The following SYN3 variants were observed in gnomAD, a reference collection of about 807,000 sequenced individuals.
SYN3 encodes the protein synapsin-3.
Under a neutral mutation model 65.8 loss-of-function variants are expected in SYN3, and 35 were observed. The observed-to-expected ratio is 0.53, with a 90% CI of 0.41 to 0.70. SYN3 has a LOEUF of 0.70. Ranked by LOEUF, SYN3 falls within the 30% of genes least tolerant of loss-of-function variation. The probability of loss-of-function intolerance (pLI) is 0.00; values close to 1 mark genes in which losing one functional copy is unlikely to be tolerated. For synonymous variants in SYN3, 270 were observed against 292.9 expected (o/e 0.92, Z 0.80); for missense variants, 680 against 749.0 (o/e 0.91, Z 1.08).
intron 7 of SYN3, among the ~76,000 whole-genome samples, chr22:32,543,271 C>T (rs1009259745): frequency 6.6e-6 from 1 of 152,166 alleles, no homozygotes; most frequent in African/African-American, 2.4e-5. Context: ...GGTCACTTAA[C>T]AGATAAGGAA....
At chr22:32,912,719 TC>T (rs1485286699) in intron 4 of SYN3, among the ~76,000 whole-genome samples, 2 of 137,056 alleles carry the variant, frequency 1.5e-5, no homozygotes, top group East Asian at 4.6e-4. Context: ...AGACCTTTTC[TC>T]TAAAAAAAAA....
intron 7 of SYN3, among the ~76,000 whole-genome samples, chr22:32,543,705 G>C (rs2058294672): frequency 6.6e-6 from 1 of 152,158 alleles, no homozygotes; most frequent in African/African-American, 2.4e-5. Context: ...CGTGCGGGTA[G>C]ATGTGCCTGA....
chr22:32,808,650 G>T (rs1017382378), intron 6 of SYN3, among the ~76,000 whole-genome samples: 1 of 152,112 alleles, frequency 6.6e-6, no homozygotes, highest in Non-Finnish European at 1.5e-5. Flanking sequence ...CTGGCTCTTG[G>T]CCCATGACAC....
chr22:32,918,714 C>T (rs922547666), intron 4 of SYN3, among the ~76,000 whole-genome samples: 2 of 152,126 alleles, frequency 1.3e-5, no homozygotes, highest in East Asian at 1.9e-4. Context: ...AGAGTGGTCA[C>T]ATCTGCAGAA....
intron 3 of SYN3, among the ~76,000 whole-genome samples, chr22:32,938,877 G>C (rs958381383): frequency 3.4e-5 from 5 of 146,776 alleles, no homozygotes; most frequent in Non-Finnish European, 5.9e-5. Context: ...GCAATGAGCA[G>C]AGACTGCACC....
intron 6 of SYN3, among the ~76,000 whole-genome samples, chr22:32,662,708 C>G (rs1043830966): frequency 1.3e-5 from 2 of 152,188 alleles, no homozygotes; most frequent in African/African-American, 2.4e-5. Flanking sequence ...AATAAATACT[C>G]AATTACTGCT....
chr22:32,545,569 T>C (rs189879703), intron 7 of SYN3, among the ~76,000 whole-genome samples: 84 of 151,858 alleles, frequency 5.5e-4, no homozygotes, highest in African/African-American at 1.4e-3. Context: ...CTCTCTCTCT[T>C]TTTTTTTGAG....
intron 6 of SYN3, among the ~76,000 whole-genome samples, chr22:32,761,330 G>C (rs769046917): frequency 6.6e-6 from 1 of 152,166 alleles, no homozygotes; most frequent in Non-Finnish European, 1.5e-5. Flanking sequence ...GGGAAGAAAT[G>C]GGACATGAGA....
chr22:32,802,414 C>G (rs1200011426), intron 6 of SYN3, among the ~76,000 whole-genome samples: 1 of 152,196 alleles, frequency 6.6e-6, no homozygotes, highest in East Asian at 1.9e-4. Flanking sequence ...GAAAATGTCC[C>G]CATTCACTAC....
intron 6 of SYN3, among the ~76,000 whole-genome samples, chr22:32,676,347 C>T (rs944313166): frequency 4.6e-5 from 7 of 152,088 alleles, no homozygotes; most frequent in Non-Finnish European, 1.0e-4. Context: ...CAGCTTGGCA[C>T]CAGCAAGATT....
At chr22:33,040,069 G>A (rs559815914) in intron 1 of SYN3, among the ~76,000 whole-genome samples, 9 of 147,914 alleles carry the variant, frequency 6.1e-5, no homozygotes, top group East Asian at 2.0e-4. Flanking sequence ...CCGCTCTGTC[G>A]CCCAGGCTGG....
intron 7 of SYN3, among the ~76,000 whole-genome samples, chr22:32,582,822 C>T (rs933284892): frequency 6.6e-6 from 1 of 152,168 alleles, no homozygotes; most frequent in Non-Finnish European, 1.5e-5. Context: ...TGAATCGGTG[C>T]CCTTGGCTGC....
At chr22:32,999,108 C>T (rs975848599) in intron 2 of SYN3, among the ~76,000 whole-genome samples, 4 of 152,036 alleles carry the variant, frequency 2.6e-5, no homozygotes, top group Admixed American at 6.6e-5. Flanking sequence ...GCAGAAGAGA[C>T]GATTATAATA....
chr22:33,010,298 GC>G (rs1484846501), intron 1 of SYN3, among the ~76,000 whole-genome samples: 2 of 151,988 alleles, frequency 1.3e-5, no homozygotes, highest in East Asian at 3.9e-4. Flanking sequence ...TCTTGTAGAA[GC>G]TTTATAGTTC....
intron 7 of SYN3, among the ~76,000 whole-genome samples, chr22:32,565,768 G>A (rs2058664669): frequency 6.6e-6 from 1 of 151,764 alleles, no homozygotes; most frequent in African/African-American, 2.4e-5. Flanking sequence ...CTGGAGTGCA[G>A]TGGCACGATC....
intron 6 of SYN3, among the ~76,000 whole-genome samples, chr22:32,643,806 A>G (rs1005757447): frequency 2.6e-5 from 4 of 151,726 alleles, no homozygotes; most frequent in Admixed American, 6.6e-5. Flanking sequence ...AGAAAGAGAC[A>G]AGGGGCCGGG....
intron 6 of SYN3, among the ~76,000 whole-genome samples, chr22:32,654,024 C>G (rs1032729220): frequency 1.3e-5 from 2 of 152,198 alleles, no homozygotes; most frequent in African/African-American, 4.8e-5. Flanking sequence ...GGACCAGGGA[C>G]AGAAGAAGAT....
intron 6 of SYN3, among the ~76,000 whole-genome samples, chr22:32,603,487 T>A (rs1601736061): frequency 7.0e-6 from 1 of 142,790 alleles, no homozygotes; most frequent in South Asian, 2.2e-4. Flanking sequence ...GCCACTGCAC[T>A]CCAGCCTGGG....
At chr22:32,715,133 A>T (rs977419844) in intron 6 of SYN3, among the ~76,000 whole-genome samples, 1 of 152,236 alleles carries the variant, frequency 6.6e-6, no homozygotes, top group African/African-American at 2.4e-5. Flanking sequence ...GCTCTCTGAA[A>T]AAAACAAAAA....
Sources: gnomAD v4.1 joint callset for allele counts (sites outside exome capture counted in the v4.1 genomes callset) on GRCh38, gnomAD v4.1.1 for gene constraint, MANE v1.5 for transcripts, NCBI Gene and HGNC (gene_info 2026-07-23, HGNC 2026-07-21) for gene names.